ANXA8: variants seen among roughly 807,000 people sequenced by gnomAD.
ANXA8 encodes annexin A8, also known as VAC-beta.
ANXA8 carries 9 observed loss-of-function variants against 26.8 expected under a neutral mutation model. The ratio of observed to expected loss-of-function variants is 0.34; its 90% CI spans 0.20 to 0.59. The LOEUF (loss-of-function observed/expected upper bound fraction) is 0.59, where lower values mean the gene tolerates loss of function less well. Among genes scored for constraint, ANXA8 ranks in the 20% least tolerant of loss-of-function variants. The pLI, the probability that ANXA8 is intolerant of heterozygous loss-of-function variation, is 0.84. For missense variants in ANXA8, 83 were observed against 238.5 expected (o/e 0.35, Z 4.29); for synonymous variants, 39 against 94.8 (o/e 0.41, Z 3.42).
At chr10:47,952,610 C>T in the ANXA8 span, among the ~76,000 whole-genome samples, 1 of 146,682 alleles carries the variant, frequency 6.8e-6, no homozygotes. Flanking sequence ...AAGAAGTCAG[C>T]TCTCCTGATT....
the ANXA8 span, among the ~76,000 whole-genome samples, chr10:47,967,982 A>AC: frequency 3.3e-5 from 5 of 149,388 alleles, 1 homozygote; most frequent in Non-Finnish European, 7.5e-5. Flanking sequence ...CAAAAAAAAA[A>AC]CCTATATTAA....
the ANXA8 span, among the ~76,000 whole-genome samples, chr10:47,528,002 G>A: frequency 9.6e-5 from 14 of 145,524 alleles, 1 homozygote; most frequent in Non-Finnish European, 1.5e-4. Context: ...AGGGAGAAAG[G>A]ACCATGTGAC....
the ANXA8 span, among the ~76,000 whole-genome samples, chr10:47,705,759 G>A: frequency 6.6e-6 from 1 of 152,038 alleles, no homozygotes; most frequent in African/African-American, 2.4e-5. Context: ...TTGATGTAGG[G>A]AAATGGCTAC....
At chr10:47,951,873 ATGT>A in the ANXA8 span, among the ~76,000 whole-genome samples, 1 of 147,756 alleles carries the variant, frequency 6.8e-6, no homozygotes, top group Non-Finnish European at 1.5e-5. Flanking sequence ...ATATTTCAGT[ATGT>A]TGAATCTAGG....
chr10:47,979,310 C>G, the ANXA8 span, among the ~76,000 whole-genome samples: 25 of 151,196 alleles, frequency 1.7e-4, 1 homozygote, highest in Admixed American at 1.3e-3. Context: ...AACAGTAAAC[C>G]CACTAGAGCT....
At chr10:47,543,650 T>G in the ANXA8 span, 1 of 673,630 alleles carries the variant, frequency 1.5e-6, no homozygotes, top group East Asian at 4.3e-5. Flanking sequence ...TCCGGGTTTG[T>G]CAAATCTTCC....
At chr10:47,564,901 C>G in the ANXA8 span, 4 of 1,486,342 alleles carry the variant, frequency 2.7e-6, no homozygotes, top group Non-Finnish European at 3.7e-6. Flanking sequence ...TCCCCATCAA[C>G]GACAACTACT....
chr10:47,484,458 G>A (rs1839985637), upstream of ANXA8: 21 of 1,101,176 alleles, frequency 1.9e-5, no homozygotes, highest in Middle Eastern at 7.2e-4. Context: ...TTTTTTTTCC[G>A]GGGGCAAGGG....
the ANXA8 span, among the ~76,000 whole-genome samples, chr10:47,705,141 G>T: frequency 6.6e-6 from 1 of 151,566 alleles, no homozygotes; most frequent in African/African-American, 2.4e-5. Context: ...GAAAACAGCA[G>T]GGCATTTTAA....
rs1217048282 is a variant in ANXA8, at chr10:47,476,251, T to C, written c.393A>G (p.Ile131Met). 51 of 517,478 alleles carry C rather than the reference T, an allele frequency of 9.9e-5. 3 individuals carry two copies. Among genetic ancestry groups the C allele is most frequent in the Non-Finnish European group, 1.4e-4 (48 of 339,984 alleles). The allele number at this position is 517,478 out of a possible 1,614,324, so 32.1% of individuals were successfully genotyped here. Residue 131 changes from isoleucine to methionine, a missense_variant, in exon 5 of 12, where the codon ATA (isoleucine) becomes ATG (methionine). This residue lies in a region of ANXA8 where 16 missense variants were observed against 16.3 expected (regional missense o/e 0.98). Transcript: ENST00000585281. The part of the protein sequence containing the change: ...ASRTKNQLRE[I>M]MKAYEEDYGS... ...CCTTACCTTCCTCATACGCCTTCAT[T>C]ATCTCCCGCAGCTGGTTCTTGGTCC...
At chr10:47,733,283 C>CTTTG in the ANXA8 span, among the ~76,000 whole-genome samples, 6 of 80,524 alleles carry the variant, frequency 7.5e-5, no homozygotes, top group African/African-American at 3.5e-4. Flanking sequence ...TTCTTTCTTT[C>CTTTG]TTTCTTTCTT....
At chr10:47,529,353 G>A in the ANXA8 span, among the ~76,000 whole-genome samples, 12 of 150,482 alleles carry the variant, frequency 8.0e-5, no homozygotes, top group African/African-American at 2.2e-4. Flanking sequence ...TTATGTGAAT[G>A]TTGTGACTCA....
the ANXA8 span, among the ~76,000 whole-genome samples, chr10:47,526,472 A>G: frequency 3.0e-5 from 4 of 133,790 alleles, no homozygotes; most frequent in Non-Finnish European, 6.1e-5. Flanking sequence ...TCCCTTCTAC[A>G]TGCCAGGCAC....
chr10:47,924,683 C>T, the ANXA8 span, among the ~76,000 whole-genome samples: 4 of 151,862 alleles, frequency 2.6e-5, no homozygotes, highest in African/African-American at 9.7e-5. Flanking sequence ...GACAAGTGCT[C>T]TTTGAGCCAG....
At chr10:47,727,168 T>G in the ANXA8 span, among the ~76,000 whole-genome samples, 2 of 152,310 alleles carry the variant, frequency 1.3e-5, no homozygotes, top group South Asian at 4.1e-4. Context: ...AGGCACCTAA[T>G]TTCTTCTTAA....
the ANXA8 span, chr10:47,550,956 T>G: frequency 1.3e-5 from 2 of 148,682 alleles, no homozygotes; most frequent in African/African-American, 5.0e-5. Flanking sequence ...TATGAGTACT[T>G]TAGTATATTT....
At chr10:47,554,146 T>TAAAA in the ANXA8 span, among the ~76,000 whole-genome samples, 1 of 136,050 alleles carries the variant, frequency 7.4e-6, no homozygotes. Context: ...AATAAATAAA[T>TAAAA]AAAAATAAAG....
the ANXA8 span, among the ~76,000 whole-genome samples, chr10:47,934,862 AAAG>A: frequency 8.2e-5 from 2 of 24,298 alleles, no homozygotes; most frequent in East Asian, 8.7e-4. Flanking sequence ...GAACTCGTAG[AAAG>A]AAGACAGGCT....
chr10:47,527,898 G>C, the ANXA8 span, among the ~76,000 whole-genome samples: 85 of 149,096 alleles, frequency 5.7e-4, no homozygotes, highest in African/African-American at 2.1e-3. Context: ...GGTTAGAAGA[G>C]AAGGAAGAAC....
Sources: gnomAD v4.1 joint callset for allele counts (sites outside exome capture counted in the v4.1 genomes callset) on GRCh38, gnomAD v4.1.1 for gene constraint, gnomAD v4.1.1 regional missense constraint, MANE v1.5 for transcripts, NCBI Gene and HGNC (gene_info 2026-07-23, HGNC 2026-07-21) for gene names.